MRC2: variants seen among roughly 807,000 people sequenced by gnomAD.
MRC2 encodes the protein mannose receptor C-type 2, also known as C-type mannose receptor 2.
MRC2 carries 84 observed loss-of-function variants against 206.2 expected under a neutral mutation model. The observed-to-expected ratio is 0.41, with a 90% CI of 0.34 to 0.49. The LOEUF (loss-of-function observed/expected upper bound fraction) is 0.49, where lower values mean the gene tolerates loss of function less well. Among genes scored for constraint, MRC2 ranks in the 20% least tolerant of loss-of-function variants. The probability of loss-of-function intolerance (pLI) is 0.31; values close to 1 mark genes in which losing one functional copy is unlikely to be tolerated. For synonymous variants in MRC2, 798 were observed against 800.0 expected (o/e 1.00, Z 0.04); for missense variants, 1,676 against 2,001.5 (o/e 0.84, Z 3.10).
In MRC2 at chr17:62,680,940, C is replaced by T; in HGVS notation, c.2614C>T (p.Leu872=). 5 of 1,613,066 alleles carry T rather than the reference C, an allele frequency of 3.1e-6. No individual in the cohort carries two copies. The highest frequency in any genetic ancestry group is 1.6e-4 in the Middle Eastern group (1 of 6,062). ...SVHSQAELDF[L]SHNLQKFSRA... is the part of the protein sequence containing the mutation. ...GCACAGCCAGGCGGAGCTAGACTTC[C>T]TGAGCCACAACTTGCAGAAGGTGGG... Residue 872 remains leucine, a synonymous_variant, in exon 17 of 30, where the codon CTG becomes TTG. Coordinates refer to ENST00000303375, the MANE Select transcript of MRC2 (RefSeq NM_006039.5). This position sits in a 1 kb window ranked among gnomAD's most constrained non-coding sequence, Gnocchi z 4.8.
intron 1 of MRC2, among the ~76,000 whole-genome samples, chr17:62,628,569 G>C (rs1400778155): frequency 6.6e-6 from 1 of 152,220 alleles, no homozygotes; most frequent in Non-Finnish European, 1.5e-5. Context: ...GCCGTGCTGT[G>C]ATGTTGCGTA....
At position 62,689,561 on chromosome 17, in the gene MRC2, C is replaced by T. The variant is rs2089076917; in HGVS notation, c.3374C>T (p.Ala1125Val). ...CCGTCCCCAGCAGCGCTGCCCCCCG[C>T]CCCGGGCACTGAGCTCTCCTACCTC... ...LSPSPAALPP[A>V]PGTELSYLNG... is the part of the protein sequence containing the mutation. Residue 1125 changes from alanine to valine, a missense_variant, in exon 24 of 30, where the codon GCC becomes GTC. Transcript: ENST00000303375. 6 of 1,597,712 alleles carry T rather than the reference C, an allele frequency of 3.8e-6. No individual in the cohort carries two copies. The highest frequency in any genetic ancestry group is 5.1e-6 in the Non-Finnish European group (6 of 1,171,952).
rs1188229506 is a variant in MRC2 at position 62,674,104 on chromosome 17, A to G, written c.1503A>G (p.Pro501=). The G allele has an allele frequency of 6.4e-7, 1 of 1,555,678 alleles. No homozygotes were observed. The highest frequency in any genetic ancestry group is 8.7e-7 in the Non-Finnish European group (1 of 1,149,316). ...WNDSPCNQSL[P]SICKKAGQLS... ...ACAGTCCCTGTAACCAGTCCTTGCCATCCATCTGCAAGAAGGCAGGCCAGC... is the reference window on the plus strand; with the variant it reads ...ACAGTCCCTGTAACCAGTCCTTGCCGTCCATCTGCAAGAAGGCAGGCCAGC... The change falls in exon 9 of 30, where the codon CCA becomes CCG. Residue 501 remains proline, a synonymous_variant. Coordinates refer to ENST00000303375, the MANE Select transcript of MRC2 (RefSeq NM_006039.5).
In MRC2 at chr17:62,652,271, T is replaced by A. The variant is rs189888792; in HGVS notation, c.119-12277T>A. ...TGGAGTCCTAACCTGTCCATGATTT[T>A]AAGAAAGGGCAGGCGCACAACACCC... On this transcript the variant is annotated intron_variant, in intron 1 of 29. Coordinates refer to ENST00000303375, the MANE Select transcript of MRC2 (RefSeq NM_006039.5). This position sits in a 1 kb window ranked among gnomAD's most constrained non-coding sequence, Gnocchi z 4.6. Among the ~76,000 whole-genome samples the A allele has an allele frequency of 2.8e-4, 43 of 152,366 alleles. No homozygotes were observed. Among genetic ancestry groups the A allele is most frequent in the African/African-American group, 9.6e-4 (40 of 41,588 alleles).
chr17:62,690,418 C>A (rs1369433194), intron 26 of MRC2, 113 bp downstream of exon 26: 1 of 1,413,036 alleles, frequency 7.1e-7, no homozygotes, highest in Non-Finnish European at 9.5e-7. Flanking sequence ...GCAGCACTTA[C>A]ACAAGATGCC....
chr17:62,667,449 G>T lies in MRC2; in HGVS notation c.1033G>T (p.Gly345Cys). 4 of 1,612,830 alleles carry T rather than the reference G, an allele frequency of 2.5e-6. No homozygotes were observed. The highest frequency in any genetic ancestry group is 3.4e-6 in the Non-Finnish European group (4 of 1,179,792). ...CGVIRTESSG[G>C]WQNRDCSIAL... is the part of the protein sequence containing the mutation. ...AGTGATCCGCACTGAGTCCTCGGGC[G>T]GCTGGCAGAACCGTGACTGCAGCAT... Residue 345 changes from glycine (G) to cysteine (C), a missense_variant, in exon 6 of 30, where the codon GGC (glycine) becomes TGC (cysteine). Physicochemically the swap from Gly to Cys is radical, Grantham distance 159 (BLOSUM62 -3). This residue lies in a region of MRC2 where 1,354 missense variants were observed against 1,636.6 expected (regional missense o/e 0.83). Coordinates refer to ENST00000303375, the MANE Select transcript of MRC2 (RefSeq NM_006039.5). This position sits in a 1 kb window ranked among gnomAD's most constrained non-coding sequence, Gnocchi z 4.1.
chr17:62,655,706 G>C (rs2088610322), intron 1 of MRC2, among the ~76,000 whole-genome samples: 1 of 127,798 alleles, frequency 7.8e-6, no homozygotes, highest in Non-Finnish European at 1.6e-5. Context: ...ACAACAGAAC[G>C]AAACTCTGTC....
chr17:62,690,883 C>T, intron 27 of MRC2, 66 bp from the exon 28 acceptor site: 1 of 1,500,064 alleles, frequency 6.7e-7, no homozygotes, highest in South Asian at 1.3e-5. Context: ...CTAGAACACA[C>T]CTGCTCTCCT....
intron 1 of MRC2, among the ~76,000 whole-genome samples, chr17:62,636,461 A>ATTTTTTTTTT (rs60774612): frequency 2.6e-5 from 2 of 76,934 alleles, no homozygotes; most frequent in South Asian, 5.6e-4. Context: ...TAATCTTCTG[A>ATTTTTTTTTT]TTTTTTTTTT....
intron 1 of MRC2, among the ~76,000 whole-genome samples, chr17:62,645,212 A>G (rs2088460556): frequency 6.6e-6 from 1 of 152,002 alleles, no homozygotes; most frequent in Non-Finnish European, 1.5e-5. Flanking sequence ...CTAACGGTAA[A>G]TTTACATAAA....
Position 62,634,676 on chromosome 17 carries a change from G to A in MRC2, c.118+6756G>A, listed in dbSNP as rs149831194. ...TACTGCGTGCTGTTTTTTCAGCAAG[G>A]TCTTTGTGACCTGTGTCTTGTGTTG... is the stretch of plus-strand genomic sequence containing the variant. On this transcript the variant is annotated intron_variant, in intron 1 of 29. Transcript: ENST00000303375. Among the ~76,000 whole-genome samples, 163 of 152,138 alleles carry A rather than the reference G, an allele frequency of 1.1e-3. 1 individual carries two copies. In the East Asian group the frequency reaches 0.026, roughly 25 times the overall value.
intron 13 of MRC2, among the ~76,000 whole-genome samples, 188 bp downstream of exon 13, chr17:62,678,834 G>C (rs2088926216): frequency 6.6e-6 from 1 of 152,158 alleles, no homozygotes; most frequent in African/African-American, 2.4e-5. Context: ...TGGTGCCCTG[G>C]CATCTTGGGA....
At chr17:62,669,500 G>A (rs1230601962) in intron 6 of MRC2, among the ~76,000 whole-genome samples, 1 of 151,728 alleles carries the variant, frequency 6.6e-6, no homozygotes, top group Non-Finnish European at 1.5e-5. Context: ...ACAGGCGTGA[G>A]CCACCGCACC....
In MRC2 at chr17:62,667,548, G is replaced by A; in HGVS notation, c.1117+15G>A. On this transcript the variant is annotated intron_variant, in intron 6 of 29. Transcript: ENST00000303375. The surrounding 1 kb of genome is among the most constrained non-coding windows in gnomAD (Gnocchi z 4.1). ...CACCCCTCCAGGTGAGCCAGGGACT[G>A]TGCCGCAGGGTGGGGAGGGGCTCCC... The A allele has an allele frequency of 6.3e-7, 1 of 1,599,462 alleles. No individual in the cohort carries two copies. The highest frequency in any genetic ancestry group is 8.5e-7 in the Non-Finnish European group (1 of 1,176,368).
chr17:62,681,005 G>A (rs369623432), intron 17 of MRC2, 45 bp downstream of exon 17: 13 of 1,612,092 alleles, frequency 8.1e-6, no homozygotes, highest in Non-Finnish European at 1.0e-5. Flanking sequence ...GGGGAGGGCA[G>A]GCCCGGGATG....
Position 62,674,147 on chromosome 17 carries a change from G to A in MRC2, c.1546G>A (p.Glu516Lys), listed in dbSNP as rs370162640. 149 of 1,552,192 alleles carry A rather than the reference G, an allele frequency of 9.6e-5. No individual in the cohort carries two copies. Among genetic ancestry groups the A allele is most frequent in the Non-Finnish European group, 1.2e-4 (142 of 1,147,512 alleles). The change falls in exon 9 of 30, where the codon GAG becomes AAG. Residue 516 changes from glutamate (E) to lysine (K), a missense_variant. Glu to Lys is a moderately conservative substitution (Grantham distance 56, BLOSUM62 1). Coordinates refer to ENST00000303375, the MANE Select transcript of MRC2 (RefSeq NM_006039.5). The stretch of plus-strand genomic sequence containing the variant: ...AGGCCAGCTGAGCCAGGGGGCCGCC[G>A]AGGAGGACCATGGCTGCCGGAAGGT... The part of the protein sequence containing the change: ...KAGQLSQGAA[E>K]EDHGCRKGWT...
In MRC2 at chr17:62,672,290, A is replaced by G; in HGVS notation, c.1461+138A>G. ...CCTCTCAGCAGTCCCCCTCCTCCCC[A>G]CCAATGCCTTCCCTTCCATGTGAGA... On this transcript the variant is annotated intron_variant, in intron 8 of 29. Transcript: ENST00000303375. This position sits in a 1 kb window ranked among gnomAD's most constrained non-coding sequence, Gnocchi z 4.5. 1 of 969,390 alleles carries G rather than the reference A, an allele frequency of 1.0e-6. No homozygotes were observed. Among genetic ancestry groups the G allele is most frequent in the Non-Finnish European group, 1.5e-6 (1 of 648,574 alleles). The allele number at this position is 969,390 out of a possible 1,614,324, so 60.0% of individuals were successfully genotyped here.
chr17:62,690,789 G>A (rs779127300), intron 27 of MRC2, 28 bp downstream of exon 27: 12 of 1,574,896 alleles, frequency 7.6e-6, no homozygotes, highest in Non-Finnish European at 9.5e-6. Flanking sequence ...GGGGTGGAGA[G>A]GTCAAGCCTC....
chr17:62,687,965 T>C (rs2089052814), intron 20 of MRC2, among the ~76,000 whole-genome samples: 1 of 152,124 alleles, frequency 6.6e-6, no homozygotes, highest in South Asian at 2.1e-4. Flanking sequence ...CGGAAGGGTG[T>C]TTAGCAGAAA....
Sources: gnomAD v4.1 joint callset for allele counts (sites outside exome capture counted in the v4.1 genomes callset) on GRCh38, gnomAD v4.1.1 for gene constraint, gnomAD v4.1.1 regional missense constraint, Gnocchi (gnomAD v3.1) non-coding constraint, MANE v1.5 for transcripts, NCBI Gene and HGNC (gene_info 2026-07-23, HGNC 2026-07-21) for gene names.